The following SPRED1 variants were observed in gnomAD, a reference collection of about 807,000 sequenced individuals.
SPRED1 encodes sprouty related EVH1 domain containing 1.
SPRED1 carries 18 observed loss-of-function variants against 52.3 expected under a neutral mutation model. That is an observed-to-expected ratio of 0.34 (90% confidence interval 0.24 to 0.51). SPRED1 has a LOEUF of 0.51. SPRED1 is among the 20% of genes least tolerant of loss of function. The probability of loss-of-function intolerance (pLI) is 0.97; values close to 1 mark genes in which losing one functional copy is unlikely to be tolerated. For synonymous variants in SPRED1, 155 were observed against 179.7 expected, an observed-to-expected ratio of 0.86 and a Z score of 1.10; for missense variants, 485 against 551.0, an observed-to-expected ratio of 0.88 and a Z score of 1.20.
rs1328101924 is a variant in SPRED1, at chr15:38,357,109, A to G, written c.*5445A>G. On this transcript the variant is annotated 3_prime_UTR_variant, in exon 7 of 7. Transcript: ENST00000299084. ...AAGTGTCATGCACATAGTGCTCCTTAAAGAAAAAGACATCGACATCAATGG... is the reference window on the plus strand; with the variant it reads ...AAGTGTCATGCACATAGTGCTCCTTGAAGAAAAAGACATCGACATCAATGG... 1 of 152,214 alleles carries G rather than the reference A, an allele frequency of 6.6e-6. No homozygotes were observed. The highest frequency in any genetic ancestry group is 1.9e-4 in the East Asian group (1 of 5,206). 9.4% of individuals were successfully genotyped at this position (152,214 alleles called of 1,614,324 possible). A position where few individuals can be genotyped will look rare whatever the true frequency, so the allele number is the denominator to read the frequency against.
intron 1 of SPRED1, among the ~76,000 whole-genome samples, 160 bp downstream of exon 1, chr15:38,253,377 C>T (rs941072281): frequency 6.6e-6 from 1 of 152,118 alleles, no homozygotes; most frequent in African/African-American, 2.4e-5. Context: ...TTTTTAGTGG[C>T]AGCACCCCTC....
chr15:38,354,103 A>G lies in SPRED1; in HGVS notation c.*2439A>G, dbSNP rs1595765394. On this transcript the variant is annotated 3_prime_UTR_variant, in exon 7 of 7. Coordinates refer to ENST00000299084, the MANE Select transcript of SPRED1 (RefSeq NM_152594.3). ...TATAGTTAACATACCCAGTTTCTTAATCAGTCTACAAGACTAACTGATGAT... is the reference window on the plus strand; with the variant it reads ...TATAGTTAACATACCCAGTTTCTTAGTCAGTCTACAAGACTAACTGATGAT... 2 of 152,574 alleles carry G rather than the reference A, an allele frequency of 1.3e-5. No individual in the cohort carries two copies. The highest frequency in any genetic ancestry group is 2.9e-5 in the Non-Finnish European group (2 of 68,032). The allele number at this position is 152,574 out of a possible 1,614,324, so 9.5% of individuals were successfully genotyped here. A position where few individuals can be genotyped will look rare whatever the true frequency, so the allele number is the denominator to read the frequency against.
intron 4 of SPRED1, among the ~76,000 whole-genome samples, chr15:38,326,979 A>G (rs916619858): frequency 4.0e-5 from 6 of 151,786 alleles, no homozygotes; most frequent in African/African-American, 1.5e-4. Flanking sequence ...TGTTCCTCTC[A>G]TTTTTTCCAC....
chr15:38,281,541 T>TG (rs998282820), intron 1 of SPRED1, among the ~76,000 whole-genome samples: 61 of 150,432 alleles, frequency 4.1e-4, no homozygotes, highest in African/African-American at 1.4e-3. Context: ...TATAGGTGTG[T>TG]GCCACCATGC....
chr15:38,270,022 C>T (rs1052330288), intron 1 of SPRED1, among the ~76,000 whole-genome samples: 1 of 151,774 alleles, frequency 6.6e-6, no homozygotes, highest in African/African-American at 2.4e-5. Flanking sequence ...ATTCTCCTGC[C>T]TCAGCCTCCC....
At chr15:38,306,495 A>T (rs933171645) in intron 2 of SPRED1, among the ~76,000 whole-genome samples, 2 of 152,226 alleles carry the variant, frequency 1.3e-5, no homozygotes, top group Non-Finnish European at 2.9e-5. Flanking sequence ...AATAATAACC[A>T]GTCCAGAATC....
intron 1 of SPRED1, among the ~76,000 whole-genome samples, chr15:38,286,119 C>T (rs1316236893): frequency 1.3e-5 from 2 of 149,708 alleles, no homozygotes; most frequent in Admixed American, 6.8e-5. Context: ...GTGGCAGGTG[C>T]CTATGGTCAC....
intron 1 of SPRED1, among the ~76,000 whole-genome samples, chr15:38,292,476 AAG>A (rs1305165782): frequency 4.6e-5 from 7 of 152,238 alleles, no homozygotes; most frequent in Middle Eastern, 3.4e-3. Context: ...TGGGAAGAAA[AAG>A]AGGTTTAATT....
intron 2 of SPRED1, among the ~76,000 whole-genome samples, chr15:38,306,815 T>TTTA (rs1157586894): frequency 6.6e-6 from 1 of 152,208 alleles, no homozygotes; most frequent in East Asian, 1.9e-4. Flanking sequence ...CAGCAAACTC[T>TTTA]TTATTATTAC....
chr15:38,255,973 C>A (rs1227537245), intron 1 of SPRED1, among the ~76,000 whole-genome samples: 1 of 147,472 alleles, frequency 6.8e-6, no homozygotes, highest in Non-Finnish European at 1.5e-5. Context: ...AGTAGGGCCT[C>A]ATTCTGAAAT....
intron 1 of SPRED1, among the ~76,000 whole-genome samples, chr15:38,295,728 A>G (rs986908251): frequency 2.0e-4 from 31 of 152,194 alleles, no homozygotes; most frequent in African/African-American, 7.2e-4. Context: ...AACATCATGC[A>G]CAATTATTTT....
chr15:38,319,904 C>T (rs1243256243), intron 2 of SPRED1, among the ~76,000 whole-genome samples: 1 of 152,142 alleles, frequency 6.6e-6, no homozygotes, highest in Non-Finnish European at 1.5e-5. Context: ...TGATTTATAG[C>T]ATTTACATAC....
At chr15:38,321,405 T>G (rs1210796528) in intron 2 of SPRED1, among the ~76,000 whole-genome samples, 3 of 152,074 alleles carry the variant, frequency 2.0e-5, no homozygotes, top group Non-Finnish European at 4.4e-5. Context: ...CACTCTAAGC[T>G]CTGGGATATT....
At position 38,355,452 on chromosome 15, in the gene SPRED1, C is replaced by G. The variant is rs577731830; in HGVS notation, c.*3788C>G. 8 of 152,148 alleles carry G rather than the reference C, an allele frequency of 5.3e-5. No homozygotes were observed. The highest frequency in any genetic ancestry group is 1.2e-4 in the Non-Finnish European group (8 of 68,088). The allele number at this position is 152,148 out of a possible 1,614,324, so 9.4% of individuals were successfully genotyped here. A position where few individuals can be genotyped will look rare whatever the true frequency, so the allele number is the denominator to read the frequency against. The stretch of plus-strand genomic sequence containing the variant: ...GCTTTTTCTTTTCTTTTTCCTCTCC[C>G]CTGCCCCCTTAATTAAATGGCACGG... On this transcript the variant is annotated 3_prime_UTR_variant, in exon 7 of 7. Transcript: ENST00000299084.
At chr15:38,308,703 T>C (rs1895302446) in intron 2 of SPRED1, among the ~76,000 whole-genome samples, 1 of 152,220 alleles carries the variant, frequency 6.6e-6, no homozygotes, top group African/African-American at 2.4e-5. Context: ...AGTAGTAGTC[T>C]GTGATATGTA....
At chr15:38,350,970 A>T in intron 6 of SPRED1, 44 bp from the exon 7 acceptor site, 1 of 1,579,002 alleles carries the variant, frequency 6.3e-7, no homozygotes, top group South Asian at 1.1e-5. Context: ...CGTAAAATTA[A>T]CCATCATAGC....
intron 1 of SPRED1, among the ~76,000 whole-genome samples, chr15:38,254,102 T>C (rs988495374): frequency 3.9e-5 from 6 of 152,136 alleles, no homozygotes; most frequent in African/African-American, 1.4e-4. Flanking sequence ...TGGCAACACT[T>C]TTCTATTGAG....
chr15:38,299,245 T>C, intron 1 of SPRED1, 128 bp from the exon 2 acceptor site: 1 of 1,034,844 alleles, frequency 9.7e-7, no homozygotes, highest in East Asian at 2.4e-5. Context: ...TAGATTTTCA[T>C]GGAAGTAGTA....
chr15:38,296,266 A>T (rs949477989), intron 1 of SPRED1, among the ~76,000 whole-genome samples: 2 of 152,148 alleles, frequency 1.3e-5, no homozygotes, highest in Non-Finnish European at 2.9e-5. Flanking sequence ...TAGGTGAAGG[A>T]CACTTTGCGT....
Sources: allele counts gnomAD v4.1 joint callset (sites outside exome capture counted in the v4.1 genomes callset), GRCh38; gene constraint gnomAD v4.1.1; transcripts MANE v1.5; gene names NCBI Gene and HGNC (gene_info 2026-07-23, HGNC 2026-07-21).